PITPNC1: variants seen among roughly 807,000 people sequenced by gnomAD.
The protein encoded by PITPNC1 is phosphatidylinositol transfer protein cytoplasmic 1.
In PITPNC1, 18 loss-of-function variants were observed where a neutral mutation model predicts 44.7. The observed-to-expected ratio is 0.40, with a 90% CI of 0.28 to 0.60. The LOEUF (loss-of-function observed/expected upper bound fraction) is 0.60. Ranked by LOEUF, PITPNC1 falls within the 20% of genes least tolerant of loss-of-function variation. The pLI, the probability that PITPNC1 is intolerant of heterozygous loss-of-function variation, is 0.39. For synonymous variants in PITPNC1, 141 were observed against 149.6 expected, an observed-to-expected ratio of 0.94 and a Z score of 0.42; for missense variants, 290 against 418.4, an observed-to-expected ratio of 0.69 and a Z score of 2.68.
rs891817305 is a variant in PITPNC1 at position 67,696,043 on chromosome 17, G to C, written c.*3155G>C. On this transcript the variant is annotated 3_prime_UTR_variant, in exon 9 of 9. Coordinates refer to ENST00000581322, the MANE Select transcript of PITPNC1 (RefSeq NM_012417.4). ...GTTGTAACTCAAACAATATGGGTTT[G>C]TTGGTGAACTGATTTATCAAGGCTT... is the stretch of plus-strand genomic sequence containing the variant. 1.3e-5 allele frequency: 2 copies of C among 152,212 alleles called. No individual in the cohort carries two copies. The highest frequency in any genetic ancestry group is 2.9e-5 in the Non-Finnish European group (2 of 68,034). 9.4% of individuals were successfully genotyped at this position (152,212 alleles called of 1,614,324 possible). A position where few individuals can be genotyped will look rare whatever the true frequency, so the allele number is the denominator to read the frequency against.
chr17:67,662,346 T>C (rs1326466651), intron 6 of PITPNC1, among the ~76,000 whole-genome samples: 1 of 151,810 alleles, frequency 6.6e-6, no homozygotes, highest in African/African-American at 2.4e-5. Flanking sequence ...CCCAGCTACT[T>C]GGGAGGCTGA....
intron 3 of PITPNC1, among the ~76,000 whole-genome samples, chr17:67,552,679 G>A (rs111660970): frequency 0.14 from 21,771 of 151,814 alleles, 2,017 homozygotes; most frequent in Middle Eastern, 0.27. Context: ...TCAGGAGTTC[G>A]AGACCAGCCT....
intron 2 of PITPNC1, among the ~76,000 whole-genome samples, chr17:67,548,484 G>C (rs1202554646): frequency 6.6e-6 from 1 of 152,112 alleles, no homozygotes; most frequent in East Asian, 1.9e-4. Flanking sequence ...CCAGCTACAT[G>C]GTAGGCTGAG....
At chr17:67,448,457 C>T (rs1213707658) in intron 1 of PITPNC1, among the ~76,000 whole-genome samples, 1 of 152,152 alleles carries the variant, frequency 6.6e-6, no homozygotes, top group East Asian at 1.9e-4. Flanking sequence ...GCAGAGACTT[C>T]TTCGCTGGCA....
intron 6 of PITPNC1, among the ~76,000 whole-genome samples, chr17:67,667,292 G>A (rs1250377336): frequency 6.6e-6 from 1 of 152,072 alleles, no homozygotes; most frequent in Admixed American, 6.6e-5. Flanking sequence ...ACTCTGGGAG[G>A]CCGAGGTGGG....
At chr17:67,619,160 C>A (rs1329189343) in intron 5 of PITPNC1, among the ~76,000 whole-genome samples, 1 of 152,128 alleles carries the variant, frequency 6.6e-6, no homozygotes, top group Non-Finnish European at 1.5e-5. Context: ...ATGCTTTATG[C>A]CTTCTAACAG....
At chr17:67,586,216 C>G (rs1041303683) in intron 5 of PITPNC1, among the ~76,000 whole-genome samples, 1 of 152,004 alleles carries the variant, frequency 6.6e-6, no homozygotes, top group African/African-American at 2.4e-5. Context: ...GGAACTTATT[C>G]AAGGATTTTA....
intron 2 of PITPNC1, among the ~76,000 whole-genome samples, chr17:67,551,824 T>C (rs1418901098): frequency 6.6e-6 from 1 of 152,222 alleles, no homozygotes; most frequent in East Asian, 1.9e-4. Flanking sequence ...TTTCAAAATG[T>C]CACTTGTATG....
chr17:67,442,515 C>T (rs769744891), intron 1 of PITPNC1, among the ~76,000 whole-genome samples: 46 of 151,340 alleles, frequency 3.0e-4, no homozygotes, highest in Non-Finnish European at 3.4e-4. Context: ...GTATTTTCAT[C>T]GTGAATTTCC....
rs1047739956 is a variant in PITPNC1 at position 67,393,201 on chromosome 17, G to A, written c.48+14999G>A. Among the ~76,000 whole-genome samples, 8 of 151,720 alleles carry A rather than the reference G, an allele frequency of 5.3e-5. No homozygotes were observed. In the South Asian group the frequency reaches 1.7e-3, roughly 32 times the overall value. ...CATTTGCCATCTTAAAACTTTTCGA[G>A]TGTACAGTTTCAGTAGAATTGGGTA... On this transcript the variant is annotated intron_variant, in intron 1 of 8. Coordinates refer to ENST00000581322, the MANE Select transcript of PITPNC1 (RefSeq NM_012417.4).
intron 1 of PITPNC1, among the ~76,000 whole-genome samples, chr17:67,491,428 C>G (rs1416630947): frequency 1.3e-5 from 2 of 152,198 alleles, no homozygotes; most frequent in Non-Finnish European, 2.9e-5. Flanking sequence ...TTGGAGGCAT[C>G]AAGTCTGCCC....
chr17:67,419,704 G>A (rs985890677), intron 1 of PITPNC1, among the ~76,000 whole-genome samples: 1 of 152,188 alleles, frequency 6.6e-6, no homozygotes, highest in Non-Finnish European at 1.5e-5. Flanking sequence ...TCAGGAGTTC[G>A]AGACCAGCTT....
At chr17:67,493,967 C>T (rs973303382) in intron 1 of PITPNC1, among the ~76,000 whole-genome samples, 3 of 152,232 alleles carry the variant, frequency 2.0e-5, no homozygotes, top group Non-Finnish European at 2.9e-5. Flanking sequence ...CTGCAGTCAA[C>T]GAGTATGTAT....
chr17:67,681,771 T>C (rs1251709439), intron 8 of PITPNC1, among the ~76,000 whole-genome samples: 1 of 152,092 alleles, frequency 6.6e-6, no homozygotes, highest in Non-Finnish European at 1.5e-5. Flanking sequence ...GCCCATCTGA[T>C]AGCAAAAATT....
At chr17:67,485,554 G>A (rs1179437403) in intron 1 of PITPNC1, among the ~76,000 whole-genome samples, 1 of 151,592 alleles carries the variant, frequency 6.6e-6, no homozygotes, top group Non-Finnish European at 1.5e-5. Context: ...TAGTAGAGAT[G>A]GGGTCTCACC....
At chr17:67,412,087 A>G (rs1449305520) in intron 1 of PITPNC1, among the ~76,000 whole-genome samples, 1 of 152,146 alleles carries the variant, frequency 6.6e-6, no homozygotes, top group Non-Finnish European at 1.5e-5. Context: ...ATTTTCTGTG[A>G]CCCACAGTTT....
intron 5 of PITPNC1, among the ~76,000 whole-genome samples, chr17:67,610,913 C>CT: frequency 7.4e-6 from 1 of 134,778 alleles, no homozygotes; most frequent in East Asian, 2.1e-4. Flanking sequence ...GGGTGAGACT[C>CT]TGTCTCAAAA....
At chr17:67,418,870 C>T (rs566626335) in intron 1 of PITPNC1, among the ~76,000 whole-genome samples, 132 of 151,942 alleles carry the variant, frequency 8.7e-4, no homozygotes, top group African/African-American at 3.0e-3. Context: ...CGTGAGCCAC[C>T]CCACCGGGCC....
chr17:67,614,749 T>C (rs975468587), intron 5 of PITPNC1, among the ~76,000 whole-genome samples: 2 of 151,488 alleles, frequency 1.3e-5, no homozygotes, highest in Admixed American at 1.3e-4. Context: ...CAATGGCTCA[T>C]ACCTGTAATC....
Sources: allele counts gnomAD v4.1 joint callset (sites outside exome capture counted in the v4.1 genomes callset), GRCh38; gene constraint gnomAD v4.1.1; transcripts MANE v1.5; gene names NCBI Gene and HGNC (gene_info 2026-07-23, HGNC 2026-07-21).